The following DHX36 variants were observed in gnomAD, a reference collection of about 807,000 sequenced individuals.
The protein encoded by DHX36 is DEAH-box helicase 36, also known as ATP-dependent DNA/RNA helicase DHX36.
A neutral mutation model predicts 139.0 loss-of-function variants in DHX36; 50 were observed. The ratio of observed to expected loss-of-function variants is 0.36; its 90% CI spans 0.29 to 0.46. The LOEUF (loss-of-function observed/expected upper bound fraction) is 0.46. DHX36 is among the 20% of genes least tolerant of loss of function. DHX36 has a pLI of 1.00. For missense variants in DHX36, 1,024 were observed against 1,211.3 expected (o/e 0.85, Z 2.29); for synonymous variants, 425 against 401.9 (o/e 1.06, Z -0.69).
intron 9 of DHX36, among the ~76,000 whole-genome samples, chr3:154,301,940 T>C (rs2108352661): frequency 6.6e-6 from 1 of 152,142 alleles, no homozygotes; most frequent in East Asian, 1.9e-4. Flanking sequence ...CAAGTCAGAA[T>C]ATCCCTCCTC....
At position 154,303,318 on chromosome 3, in the gene DHX36, T is replaced by G; in HGVS notation, c.1217+11A>C. 3 of 1,560,718 alleles carry G rather than the reference T, an allele frequency of 1.9e-6. No individual in the cohort carries two copies. On this transcript the variant is annotated intron_variant, in intron 9 of 24. Transcript: ENST00000496811. The stretch of plus-strand genomic sequence containing the variant: ...CTTTTTAATGTTTTTTATTTCCTAA[T>G]GTTTACTTACCTTATTTTTTCAATT...
chr3:154,292,726 A>AACACACAC lies in DHX36; in HGVS notation c.1671-40_1671-33dup, dbSNP rs58416816. ...GGAAAACAGATATATAAAATGTTAAAACACACACACACACACACACACACA... is the reference window on the plus strand; with the variant it reads ...GGAAAACAGATATATAAAATGTTAAAACACACACACACACACACACACACACACACACA... On this transcript the variant is annotated intron_variant, in intron 14 of 24. Coordinates refer to ENST00000496811, the MANE Select transcript of DHX36 (RefSeq NM_020865.3). 2,453 of 1,516,948 alleles carry AACACACAC rather than the reference A, an allele frequency of 1.6e-3. 23 individuals carry two copies. In the African/African-American group the frequency reaches 0.03, roughly 19 times the overall value. 94.0% of individuals were successfully genotyped at this position (1,516,948 alleles called of 1,614,324 possible). A position where few individuals can be genotyped will look rare whatever the true frequency, so the allele number is the denominator to read the frequency against.
chr3:154,280,190 T>C (rs1183714566), intron 22 of DHX36: 1 of 162,254 alleles, frequency 6.2e-6, no homozygotes, highest in African/African-American at 2.4e-5. Flanking sequence ...TTTCTCAAAA[T>C]AGTGAAATCA....
At position 154,301,111 on chromosome 3, in the gene DHX36, T is replaced by C; in HGVS notation, c.1234A>G (p.Lys412Glu). 6.2e-7 allele frequency: 1 copy of C among 1,602,574 alleles called. No individual in the cohort carries two copies. The highest frequency in any genetic ancestry group is 8.5e-7 in the Non-Finnish European group (1 of 1,177,566). ...IEKIRYVPEQ[K>E]EHRSQFKRGF... ...CTCTTAAACTGGGATCTGTGTTCTT[T>C]TTGTTCTGGAACATACCTAAAATAA... The change falls in exon 10 of 25, where the codon AAA becomes GAA. Residue 412 changes from lysine to glutamate, a missense_variant. This residue lies in a region of DHX36 where 115 missense variants were observed against 105.6 expected (regional missense o/e 1.09). Coordinates refer to ENST00000496811, the MANE Select transcript of DHX36 (RefSeq NM_020865.3).
intron 4 of DHX36, among the ~76,000 whole-genome samples, chr3:154,311,210 T>C (rs1474869591): frequency 6.6e-6 from 1 of 152,096 alleles, no homozygotes; most frequent in Non-Finnish European, 1.5e-5. Flanking sequence ...AGAGATCCTA[T>C]TATTCTACAT....
intron 5 of DHX36, 90 bp downstream of exon 5, chr3:154,309,563 T>C: frequency 8.5e-7 from 1 of 1,175,810 alleles, no homozygotes; most frequent in Non-Finnish European, 1.1e-6. Flanking sequence ...CTAAGCCTAA[T>C]TAAGAATCAC....
rs71152798 is a variant in DHX36 at position 154,291,134 on chromosome 3, C to CAAAAAAAA, written c.1815-1316_1815-1309dup. 2.6e-4 allele frequency among the ~76,000 whole-genome samples: 16 copies of CAAAAAAAA among 61,052 alleles called. 2 individuals are homozygous for CAAAAAAAA. Among genetic ancestry groups the CAAAAAAAA allele is most frequent in the African/African-American group, 1.0e-3 (15 of 14,752 alleles). 40.1% of individuals were successfully genotyped at this position (61,052 alleles called of 152,430 possible). A position where few individuals can be genotyped will look rare whatever the true frequency, so the allele number is the denominator to read the frequency against. On this transcript the variant is annotated intron_variant, in intron 15 of 24. Coordinates refer to ENST00000496811, the MANE Select transcript of DHX36 (RefSeq NM_020865.3). The stretch of plus-strand genomic sequence containing the variant: ...TGGGCGACAGAGCGAGACTCCGTCT[C>CAAAAAAAA]AAAAAAAAAAAAAAAAAAAAAAAAA...
At chr3:154,284,549 T>G in intron 19 of DHX36, 34 bp downstream of exon 19, 1 of 1,492,492 alleles carries the variant, frequency 6.7e-7, no homozygotes, top group South Asian at 1.2e-5. Flanking sequence ...TTGAATAAAC[T>G]ATCATAATCC....
chr3:154,276,141 C>A lies in DHX36; in HGVS notation c.*30G>T. Reference sequence around the variant, plus strand: ...ACAATGATGAAGAATGGCTGTCAAACTGGCTTTTCAGACCACCCCTGAAAA... The same window carrying A: ...ACAATGATGAAGAATGGCTGTCAAAATGGCTTTTCAGACCACCCCTGAAAA... On this transcript the variant is annotated 3_prime_UTR_variant, in exon 25 of 25. Coordinates refer to ENST00000496811, the MANE Select transcript of DHX36 (RefSeq NM_020865.3). 1 of 1,578,578 alleles carries A rather than the reference C, an allele frequency of 6.3e-7. No homozygotes were observed.
intron 5 of DHX36, among the ~76,000 whole-genome samples, chr3:154,309,087 C>T (rs1269558904): frequency 6.6e-6 from 1 of 151,936 alleles, no homozygotes; most frequent in Non-Finnish European, 1.5e-5. Flanking sequence ...ACTTGGGGGG[C>T]GGAGGCAGGA....
In DHX36 at chr3:154,288,935, A is replaced by G; in HGVS notation, c.1962T>C (p.Phe654=). 1 of 1,581,576 alleles carries G rather than the reference A, an allele frequency of 6.3e-7. No homozygotes were observed. The change falls in exon 17 of 25, where the codon TTT becomes TTC. Residue 654 remains phenylalanine, a synonymous_variant. Transcript: ENST00000496811. ...ATGGTGGGTCCATTAATCTACTCAG[A>G]AAATAAGCAATTCCACCTAGCCTTA... ...KILRLGGIAY[F]LSRLMDPPSN...
At chr3:154,304,746 A>T (rs568070515) in intron 8 of DHX36, 60 bp downstream of exon 8, 1 of 1,299,688 alleles carries the variant, frequency 7.7e-7, no homozygotes, top group East Asian at 2.5e-5. Context: ...GTACCATATT[A>T]ATTTTTTTAA....
chr3:154,306,823 T>C (rs1484518025), intron 5 of DHX36, among the ~76,000 whole-genome samples: 1 of 152,000 alleles, frequency 6.6e-6, no homozygotes, highest in African/African-American at 2.4e-5. Flanking sequence ...GACAGAACAG[T>C]GATAATAAGG....
chr3:154,298,586 G>C (rs1283568371), intron 12 of DHX36, among the ~76,000 whole-genome samples: 1 of 152,148 alleles, frequency 6.6e-6, no homozygotes, highest in Non-Finnish European at 1.5e-5. Context: ...TATTATTTTA[G>C]TCAATACAAT....
chr3:154,310,229 C>A (rs535644903), intron 4 of DHX36, among the ~76,000 whole-genome samples: 26 of 152,122 alleles, frequency 1.7e-4, no homozygotes, highest in Admixed American at 1.1e-3. Flanking sequence ...GTTTTGTATG[C>A]CATTTTAGGA....
rs761343968 is a variant in DHX36 at position 154,305,167 on chromosome 3, G to A, written c.895C>T (p.Arg299Trp). ...STGYQIRLQS[R>W]LPRKQGSILY... is the part of the protein sequence containing the mutation. ...ATAGAACCCTGTTTCCTTGGCAACC[G>A]ACTGTGAATGAAAGACATGAATTAA... Residue 299 changes from arginine to tryptophan, a missense_variant and splice_region_variant, in exon 7 of 25, where the codon CGG becomes TGG. This residue lies in a region of DHX36 where 146 missense variants were observed against 215.0 expected (regional missense o/e 0.68). Coordinates refer to ENST00000496811, the MANE Select transcript of DHX36 (RefSeq NM_020865.3). The A allele has an allele frequency of 8.7e-6, 14 of 1,610,880 alleles. No individual in the cohort carries two copies. Among genetic ancestry groups the A allele is most frequent in the East Asian group, 2.2e-5 (1 of 44,770 alleles).
intron 4 of DHX36, among the ~76,000 whole-genome samples, chr3:154,310,433 G>A (rs1034755416): frequency 2.0e-5 from 3 of 151,874 alleles, no homozygotes; most frequent in Non-Finnish European, 2.9e-5. Flanking sequence ...TCAAAGGGAT[G>A]TTAGGGGTTA....
chr3:154,280,956 C>T, intron 20 of DHX36, 94 bp from the exon 21 acceptor site: 1 of 916,920 alleles, frequency 1.1e-6, no homozygotes. Flanking sequence ...TGTAAGCTAT[C>T]CCTGCTTTAT....
chr3:154,278,884 T>C (rs1719241255), intron 22 of DHX36: 1 of 152,182 alleles, frequency 6.6e-6, no homozygotes, highest in Non-Finnish European at 1.5e-5. Context: ...AATTATTTTT[T>C]CTCACTTCAA....
Sources: allele counts gnomAD v4.1 joint callset (sites outside exome capture counted in the v4.1 genomes callset), GRCh38; gene constraint gnomAD v4.1.1; regional missense constraint gnomAD v4.1.1; transcripts MANE v1.5; gene names NCBI Gene and HGNC (gene_info 2026-07-23, HGNC 2026-07-21).